RBM27: variants seen among roughly 807,000 people sequenced by gnomAD.
The protein encoded by RBM27 is RNA-binding protein 27.
RBM27 carries 22 observed loss-of-function variants against 135.3 expected under a neutral mutation model. The observed-to-expected ratio is 0.16, with a 90% confidence interval of 0.12 to 0.23. The LOEUF is 0.23. RBM27 is among the 10% of genes least tolerant of loss of function. RBM27 has a pLI of 1.00. For synonymous variants in RBM27, 481 were observed against 442.4 expected (o/e 1.09, Z -1.10); for missense variants, 1,009 against 1,281.0 (o/e 0.79, Z 3.24).
At position 146,203,824 on chromosome 5, in the gene RBM27, T is replaced by C; in HGVS notation, c.59T>C (p.Ile20Thr). Reference protein sequence around the residue: ...KSWLAKLLEPICDADPSALAN... With the variant: ...KSWLAKLLEPTCDADPSALAN... ...TGGCTGGCCAAGTTACTGGAGCCGA[T>C]GTGAGTGAGCCGGGCTGGGCCGGGG... The change falls in exon 1 of 21, where the codon ATA becomes ACA. Residue 20 changes from isoleucine to threonine, a missense_variant and splice_region_variant. By Grantham distance (89) the Ile-to-Thr change is moderately conservative. Around this residue, in one of 6 missense-constraint regions of RBM27, gnomAD observed 268 missense variants for 326.6 expected, o/e 0.82. Coordinates refer to ENST00000265271, the MANE Select transcript of RBM27 (RefSeq NM_018989.2). 2 of 1,454,198 alleles carry C rather than the reference T, an allele frequency of 1.4e-6. No individual in the cohort carries two copies. The highest frequency in any genetic ancestry group is 1.8e-6 in the Non-Finnish European group (2 of 1,088,924). The allele number at this position is 1,454,198 out of a possible 1,614,324, so 90.1% of individuals were successfully genotyped here. A position where few individuals can be genotyped will look rare whatever the true frequency, so the allele number is the denominator to read the frequency against.
chr5:146,285,975 C>CTGATGA lies in RBM27; in HGVS notation c.3132_3137dup (p.Asp1046_Asp1047dup). 1 of 1,612,466 alleles carries CTGATGA rather than the reference C, an allele frequency of 6.2e-7. No individual in the cohort carries two copies. The highest frequency in any genetic ancestry group is 1.3e-5 in the African/African-American group (1 of 74,904). The stretch of plus-strand genomic sequence containing the variant: ...ACAGAAACCTCAGATTTGTTTTTGC[C>CTGATGA]TGATGATGACGATGAAGATGAAGAT... On this transcript the variant is annotated inframe_insertion, in exon 21 of 21. Coordinates refer to ENST00000265271, the MANE Select transcript of RBM27 (RefSeq NM_018989.2).
Position 146,226,826 on chromosome 5 carries a change from C to T in RBM27, c.304-2120C>T, listed in dbSNP as rs115809139. Among the ~76,000 whole-genome samples the T allele has an allele frequency of 3.1e-3, 473 of 151,550 alleles. 4 individuals carry two copies. Among genetic ancestry groups the T allele is most frequent in the African/African-American group, 0.011 (456 of 41,316 alleles). ...GAGCTACCCCCAACTGACAGCTTTCCGGCGTTTCTCATTTTCTAAGTTTTA... is the reference window on the plus strand; with the variant it reads ...GAGCTACCCCCAACTGACAGCTTTCTGGCGTTTCTCATTTTCTAAGTTTTA... On this transcript the variant is annotated intron_variant, in intron 3 of 20. Coordinates refer to ENST00000265271, the MANE Select transcript of RBM27 (RefSeq NM_018989.2).
rs1378210790 is a variant in RBM27 at position 146,230,875 on chromosome 5, G to C, written c.808G>C (p.Gly270Arg). 2.5e-6 allele frequency: 4 copies of C among 1,614,032 alleles called. No homozygotes were observed. The South Asian group carries it at 4.4e-5, about 18-fold the overall frequency. ...YNNHSSSNSF[G>R]RNLPPKRRCR... ...CAATCATAGCTCTTCCAATTCTTTT[G>C]GTCGAAACCTACCACCAAAGAGGCG... The change falls in exon 6 of 21, where the codon GGT becomes CGT. Residue 270 changes from glycine (G) to arginine (R), a missense_variant. Physicochemically the swap from Gly to Arg is moderately radical, Grantham distance 125. Coordinates refer to ENST00000265271, the MANE Select transcript of RBM27 (RefSeq NM_018989.2).
intron 19 of RBM27, among the ~76,000 whole-genome samples, chr5:146,279,543 C>G (rs374485593): frequency 6.6e-6 from 1 of 152,030 alleles, no homozygotes; most frequent in Non-Finnish European, 1.5e-5. Flanking sequence ...TACGGTGGCT[C>G]ACGCCTATAA....
At chr5:146,252,787 T>C (rs767559770) in intron 9 of RBM27, among the ~76,000 whole-genome samples, 62 of 152,200 alleles carry the variant, frequency 4.1e-4, no homozygotes, top group Non-Finnish European at 7.8e-4. Context: ...GCTAGACATA[T>C]CATTACAGTG....
At chr5:146,282,916 A>G (rs935473574) in intron 19 of RBM27, among the ~76,000 whole-genome samples, 4 of 152,194 alleles carry the variant, frequency 2.6e-5, no homozygotes, top group Admixed American at 1.3e-4. Flanking sequence ...TGTAAGTTAG[A>G]TAGTAGAAAT....
At chr5:146,217,449 C>T (rs1400981873) in intron 1 of RBM27, among the ~76,000 whole-genome samples, 1 of 139,158 alleles carries the variant, frequency 7.2e-6, no homozygotes, top group East Asian at 2.1e-4. Context: ...GATTGATACT[C>T]TTGAGCTGAA....
At chr5:146,234,888 G>A (rs1054610945) in intron 7 of RBM27, among the ~76,000 whole-genome samples, 1 of 151,716 alleles carries the variant, frequency 6.6e-6, no homozygotes, top group Non-Finnish European at 1.5e-5. Flanking sequence ...ACAAAAATTA[G>A]CCAGGCATGG....
In RBM27 at chr5:146,220,872, G is replaced by A. The variant is rs190023077; in HGVS notation, c.178+1769G>A. ...AAAGAGAAAGCAAAACATATTTGGG[G>A]TAAAAGGCCAAATGAATGTTTAGAC... On this transcript the variant is annotated intron_variant, in intron 2 of 20. Coordinates refer to ENST00000265271, the MANE Select transcript of RBM27 (RefSeq NM_018989.2). Among the ~76,000 whole-genome samples the A allele has an allele frequency of 2.1e-3, 319 of 152,246 alleles. 3 individuals carry two copies. Among genetic ancestry groups the A allele is most frequent in the African/African-American group, 7.1e-3 (293 of 41,548 alleles).
Position 146,286,123 on chromosome 5 carries a change from T to C in RBM27, c.*93T>C. ...AAGAAGTCAATGAGCCAAAAAAAAT[T>C]TTTTTATTTTTCTTTTCAACACAGT... On this transcript the variant is annotated 3_prime_UTR_variant, in exon 21 of 21. Transcript: ENST00000265271. The C allele has an allele frequency of 8.7e-7, 1 of 1,151,592 alleles. No homozygotes were observed. The highest frequency in any genetic ancestry group is 1.2e-6 in the Non-Finnish European group (1 of 815,280). 71.3% of individuals were successfully genotyped at this position (1,151,592 alleles called of 1,614,324 possible). A position where few individuals can be genotyped will look rare whatever the true frequency, so the allele number is the denominator to read the frequency against.
intron 8 of RBM27, among the ~76,000 whole-genome samples, chr5:146,246,729 A>G (rs1440443701): frequency 6.6e-6 from 1 of 152,198 alleles, no homozygotes; most frequent in Non-Finnish European, 1.5e-5. Context: ...AAAATTTCAA[A>G]TACAACATAC....
chr5:146,223,349 T>A, intron 2 of RBM27, 54 bp from the exon 3 acceptor site: 1 of 1,525,500 alleles, frequency 6.6e-7, no homozygotes, highest in Non-Finnish European at 8.8e-7. Flanking sequence ...CAATGTGTTG[T>A]CAAATTTTTG....
intron 1 of RBM27, among the ~76,000 whole-genome samples, chr5:146,207,199 A>G (rs1411038124): frequency 1.3e-5 from 2 of 152,120 alleles, no homozygotes; most frequent in Non-Finnish European, 1.5e-5. Context: ...GAATCAAACT[A>G]TGACTGTGCA....
chr5:146,210,319 G>A (rs1484830621), intron 1 of RBM27, among the ~76,000 whole-genome samples: 3 of 152,158 alleles, frequency 2.0e-5, no homozygotes, highest in Non-Finnish European at 2.9e-5. Flanking sequence ...TATACTAGGA[G>A]CTATGGTCCA....
At chr5:146,222,845 A>G (rs1281969058) in intron 2 of RBM27, among the ~76,000 whole-genome samples, 1 of 152,224 alleles carries the variant, frequency 6.6e-6, no homozygotes, top group Non-Finnish European at 1.5e-5. Flanking sequence ...ATCAGTAAAT[A>G]TTTAACTGAT....
intron 19 of RBM27, among the ~76,000 whole-genome samples, chr5:146,280,032 A>T (rs1373479204): frequency 6.6e-6 from 1 of 151,930 alleles, no homozygotes; most frequent in Non-Finnish European, 1.5e-5. Context: ...TCACATAAAA[A>T]TCTTAGCTAT....
At chr5:146,263,114 C>T (rs1247746723) in intron 13 of RBM27, among the ~76,000 whole-genome samples, 1 of 152,034 alleles carries the variant, frequency 6.6e-6, no homozygotes, top group Non-Finnish European at 1.5e-5. Context: ...GAACTCCTGA[C>T]CTCAGGTGAT....
rs1031158026 is a variant in RBM27, at chr5:146,224,564, C to T, written c.303+1037C>T. On this transcript the variant is annotated intron_variant, in intron 3 of 20. Coordinates refer to ENST00000265271, the MANE Select transcript of RBM27 (RefSeq NM_018989.2). The stretch of plus-strand genomic sequence containing the variant: ...GGGCGTAGTGGCAGGCATCTGTAAT[C>T]CCAGTTACTTGGGAGGCTGAGGCAG... 2.0e-5 allele frequency among the ~76,000 whole-genome samples: 3 copies of T among 151,936 alleles called. No homozygotes were observed. The East Asian group carries it at 5.8e-4, about 29-fold the overall frequency.
At chr5:146,246,367 T>C (rs1015490483) in intron 8 of RBM27, among the ~76,000 whole-genome samples, 2 of 152,206 alleles carry the variant, frequency 1.3e-5, no homozygotes, top group African/African-American at 4.8e-5. Flanking sequence ...ATATTGATAT[T>C]AGGCATGTTA....
Sources: allele counts gnomAD v4.1 joint callset (sites outside exome capture counted in the v4.1 genomes callset), GRCh38; gene constraint gnomAD v4.1.1; regional missense constraint gnomAD v4.1.1; transcripts MANE v1.5; gene names NCBI Gene and HGNC (gene_info 2026-07-23, HGNC 2026-07-21).